Variants in C2orf78 observed in about 807,000 individuals in gnomAD.
The protein encoded by C2orf78 is chromosome 2 open reading frame 78.
Under a neutral mutation model 21.4 loss-of-function variants are expected in C2orf78, and 12 were observed. That is an observed-to-expected ratio of 0.56 (90% CI 0.36 to 0.91). The LOEUF is 0.91. Among genes scored for constraint, C2orf78 ranks in the 40% least tolerant of loss-of-function variants. The pLI, the probability that C2orf78 is intolerant of heterozygous loss-of-function variation, is 0.01. For synonymous variants in C2orf78, 396 were observed against 413.9 expected (o/e 0.96, Z 0.52); for missense variants, 1,042 against 1,092.4 (o/e 0.95, Z 0.65).
At chr2:73,785,530 TG>T (rs1408346013) in intron 1 of C2orf78, among the ~76,000 whole-genome samples, 1 of 145,688 alleles carries the variant, frequency 6.9e-6, no homozygotes, top group Non-Finnish European at 1.5e-5. Flanking sequence ...ATTTTAAATT[TG>T]AAAAAAAAAA....
intron 1 of C2orf78, among the ~76,000 whole-genome samples, chr2:73,786,020 T>A (rs1310747724): frequency 1.3e-5 from 2 of 151,624 alleles, no homozygotes; most frequent in East Asian, 3.9e-4. Flanking sequence ...CACTCCAGCC[T>A]GGGCAATAAG....
intron 1 of C2orf78, chr2:73,808,708 A>G (rs1465077914): frequency 1.3e-6 from 2 of 1,512,042 alleles, no homozygotes; most frequent in Admixed American, 4.0e-5. Flanking sequence ...GCCACCTGGT[A>G]GAATCTTGGG....
At chr2:73,813,754 C>G in exon 2 of C2orf78, 1 of 1,614,032 alleles carries the variant, frequency 6.2e-7, no homozygotes, top group Non-Finnish European at 8.5e-7. Flanking sequence ...CTTATCCAGG[C>G]GTTTTTGAGT....
At chr2:73,815,925 C>A in exon 3 of C2orf78, 1 of 1,613,656 alleles carries the variant, frequency 6.2e-7, no homozygotes, top group Non-Finnish European at 8.5e-7. Flanking sequence ...AACTAAGAGC[C>A]ATGGGCAGGA....
At chr2:73,810,424 G>T (rs1340662502) in intron 1 of C2orf78, among the ~76,000 whole-genome samples, 1 of 151,442 alleles carries the variant, frequency 6.6e-6, no homozygotes, top group Non-Finnish European at 1.5e-5. Context: ...CTACTTGGGA[G>T]GCTGAGGCAG....
rs1242308663 is a variant in C2orf78, at chr2:73,815,286, G to GA, written c.1070dup (p.Asn357LysfsTer2). 1.9e-6 allele frequency: 3 copies of GA among 1,613,574 alleles called. No individual in the cohort carries two copies. The highest frequency in any genetic ancestry group is 2.5e-6 in the Non-Finnish European group (3 of 1,179,792). On this transcript the variant is annotated frameshift_variant, in exon 3 of 3. Coordinates refer to ENST00000409561, the Ensembl canonical transcript of C2orf78. LOFTEE classifies it low-confidence loss of function (END_TRUNC). Reference sequence around the variant, plus strand: ...GACACTGTCTCCAGCTCCAAGCCAGGAAAAAAATGAGAATGAGAATTTGGA... The same window carrying GA: ...GACACTGTCTCCAGCTCCAAGCCAGGAAAAAAAATGAGAATGAGAATTTGGA...
intron 1 of C2orf78, among the ~76,000 whole-genome samples, chr2:73,810,796 A>G (rs189910468): frequency 0.012 from 1,037 of 87,224 alleles, 23 homozygotes; most frequent in African/African-American, 0.036. Flanking sequence ...TATATTTTAT[A>G]TATATAATAT....
At chr2:73,816,026 C>A (rs952783591) in exon 3 of C2orf78, 1 of 1,613,938 alleles carries the variant, frequency 6.2e-7, no homozygotes, top group African/African-American at 1.3e-5. Flanking sequence ...AGAAGCAAAC[C>A]ATTCCCAATA....
chr2:73,809,950 C>G (rs1430725482), intron 1 of C2orf78, among the ~76,000 whole-genome samples: 3 of 151,538 alleles, frequency 2.0e-5, no homozygotes, highest in Non-Finnish European at 2.9e-5. Flanking sequence ...CCTACTTTTC[C>G]CCTTGGGATA....
chr2:73,784,560 T>G (rs1461150408), intron 1 of C2orf78, among the ~76,000 whole-genome samples, 154 bp downstream of exon 1: 1 of 151,310 alleles, frequency 6.6e-6, no homozygotes, highest in Non-Finnish European at 1.5e-5. Context: ...GCTTTGACAT[T>G]TACTAGCTGT....
chr2:73,810,031 G>C (rs1448751197), intron 1 of C2orf78, among the ~76,000 whole-genome samples: 1 of 151,548 alleles, frequency 6.6e-6, no homozygotes, highest in African/African-American at 2.4e-5. Flanking sequence ...AAAGCAAAAG[G>C]ACAACAGAGT....
At chr2:73,814,094 G>A (rs907364352) in exon 2 of C2orf78, 5 of 1,613,230 alleles carry the variant, frequency 3.1e-6, no homozygotes, top group Non-Finnish European at 3.4e-6. Context: ...AGGATATAGG[G>A]CTTCTGCCCA....
Position 73,810,904 on chromosome 2 carries a change from T to C in C2orf78, c.98-2573T>C, listed in dbSNP as rs969598986. ...AAATTTAGTGTATATTACATGTATA[T>C]TATATATAATATATGTATATTATAT... On this transcript the variant is annotated intron_variant, in intron 1 of 2. Coordinates refer to ENST00000409561, the Ensembl canonical transcript of C2orf78. Among the ~76,000 whole-genome samples, 3 of 140,324 alleles carry C rather than the reference T, an allele frequency of 2.1e-5. No homozygotes were observed. In the Admixed American group the frequency reaches 2.2e-4, roughly 10 times the overall value. 92.1% of individuals were successfully genotyped at this position (140,324 alleles called of 152,430 possible).
exon 1 of C2orf78, chr2:73,784,217 T>C (rs893926252): frequency 2.6e-6 from 4 of 1,512,496 alleles, no homozygotes; most frequent in East Asian, 5.1e-5. Flanking sequence ...CCTGGTAGCA[T>C]CTTGGGGTTT....
intron 1 of C2orf78, among the ~76,000 whole-genome samples, chr2:73,809,884 C>G (rs1673040559): frequency 6.6e-6 from 1 of 151,990 alleles, no homozygotes; most frequent in Admixed American, 6.6e-5. Context: ...TATAAGGAGG[C>G]AGGTATTCTA....
exon 3 of C2orf78, chr2:73,816,427 C>T (rs1002232497): frequency 6.2e-7 from 1 of 1,613,962 alleles, no homozygotes; most frequent in African/African-American, 1.3e-5. Context: ...CGACATGTTT[C>T]TCGGCGGCCA....
At chr2:73,808,599 C>G (rs1196819183) in intron 1 of C2orf78, 1 of 150,724 alleles carries the variant, frequency 6.6e-6, no homozygotes, top group Admixed American at 6.6e-5. Flanking sequence ...ACCACCTCTG[C>G]CAGCCAATCC....
intron 1 of C2orf78, among the ~76,000 whole-genome samples, chr2:73,786,138 G>A (rs1672927177): frequency 6.6e-6 from 1 of 152,166 alleles, no homozygotes; most frequent in South Asian, 2.1e-4. Flanking sequence ...ACAGCACTTT[G>A]CAAGGCTGAC....
chr2:73,784,209 T>C, exon 1 of C2orf78: 2 of 1,512,258 alleles, frequency 1.3e-6, no homozygotes, highest in Non-Finnish European at 8.8e-7. Flanking sequence ...GACCACCACC[T>C]GGTAGCATCT....
Sources: gnomAD v4.1 joint callset for allele counts (sites outside exome capture counted in the v4.1 genomes callset) on GRCh38, gnomAD v4.1.1 for gene constraint, MANE v1.5 for transcripts, NCBI Gene and HGNC (gene_info 2026-07-23, HGNC 2026-07-21) for gene names.